MDM4: variants seen among roughly 807,000 people sequenced by gnomAD.
MDM4 encodes protein Mdm4.
A neutral mutation model predicts 60.2 loss-of-function variants in MDM4; 2 were observed. The observed-to-expected ratio is 0.03, with a 90% confidence interval of 0.01 to 0.10. The LOEUF (loss-of-function observed/expected upper bound fraction) is 0.10, where lower values mean the gene tolerates loss of function less well. MDM4 is among the 10% of genes least tolerant of loss of function. MDM4 has a pLI of 1.00. For synonymous variants in MDM4, 202 were observed against 198.1 expected, an observed-to-expected ratio of 1.02 and a Z score of -0.17; for missense variants, 447 against 577.5, an observed-to-expected ratio of 0.77 and a Z score of 2.32.
intron 5 of MDM4, among the ~76,000 whole-genome samples, 178 bp from the exon 6 acceptor site, chr1:204,537,252 T>C (rs576183600): frequency 4.6e-4 from 70 of 152,328 alleles, no homozygotes; most frequent in Middle Eastern, 3.4e-3. Context: ...TCTTGGTCTT[T>C]GTCATTTTTA....
rs1660602088 is a variant in MDM4 at position 204,529,313 on chromosome 1, C to G, written c.154-1371C>G. On this transcript the variant is annotated intron_variant, in intron 3 of 10. Transcript: ENST00000367182. ...TTCATGGAGATAAAGCCACTGTGAT[C>G]AGAGTCACCGACTGGAACCAGGAGT... The G allele has an allele frequency of 6.5e-6, 5 of 769,978 alleles. No individual in the cohort carries two copies. The South Asian group carries it at 7.2e-5, about 11-fold the overall frequency. 47.7% of individuals were successfully genotyped at this position (769,978 alleles called of 1,614,324 possible).
intron 3 of MDM4, 111 bp from the exon 4 acceptor site, chr1:204,530,573 T>G: frequency 7.1e-7 from 1 of 1,416,664 alleles, no homozygotes. Flanking sequence ...GACAGTCTTG[T>G]AAATATGTTA....
In MDM4 at chr1:204,554,098, A is replaced by G. The variant is rs1048145505; in HGVS notation, c.*4416A>G. Reference sequence around the variant, plus strand: ...TTTTTAAGGGTCAAGGTCATTTGTAACATTTTGTGTGTGTCAATTCAATGC... The same window carrying G: ...TTTTTAAGGGTCAAGGTCATTTGTAGCATTTTGTGTGTGTCAATTCAATGC... On this transcript the variant is annotated 3_prime_UTR_variant, in exon 11 of 11. Transcript: ENST00000367182. The G allele has an allele frequency of 8.7e-6, 2 of 229,358 alleles. No homozygotes were observed. Among genetic ancestry groups the G allele is most frequent in the Admixed American group, 1.1e-4 (2 of 17,666 alleles). The allele number at this position is 229,358 out of a possible 1,614,324, so 14.2% of individuals were successfully genotyped here.
Position 204,557,175 on chromosome 1 carries a change from C to G in MDM4, c.*7493C>G, listed in dbSNP as rs941112469. Reference sequence around the variant, plus strand: ...GCTCTGGGGTATATATTCAGAATACCTCATGTTCTGGAAGCTGAGCACTAG... The same window carrying G: ...GCTCTGGGGTATATATTCAGAATACGTCATGTTCTGGAAGCTGAGCACTAG... On this transcript the variant is annotated 3_prime_UTR_variant, in exon 11 of 11. Coordinates refer to ENST00000367182, the MANE Select transcript of MDM4 (RefSeq NM_002393.5). 2 of 195,194 alleles carry G rather than the reference C, an allele frequency of 1.0e-5. No homozygotes were observed. The highest frequency in any genetic ancestry group is 1.1e-5 in the Non-Finnish European group (1 of 93,948). 12.1% of individuals were successfully genotyped at this position (195,194 alleles called of 1,614,324 possible).
chr1:204,528,291 T>G (rs1660450496), intron 3 of MDM4, among the ~76,000 whole-genome samples: 1 of 152,172 alleles, frequency 6.6e-6, no homozygotes, highest in African/African-American at 2.4e-5. Flanking sequence ...GGGAACAGAT[T>G]TGTCTGAGCA....
At chr1:204,518,507 T>G (rs1659222612) in intron 1 of MDM4, among the ~76,000 whole-genome samples, 1 of 152,222 alleles carries the variant, frequency 6.6e-6, no homozygotes, top group Admixed American at 6.5e-5. Flanking sequence ...TAGGTCTAGA[T>G]TTGGATTATT....
intron 4 of MDM4, among the ~76,000 whole-genome samples, chr1:204,531,970 C>T (rs1182492108): frequency 6.6e-6 from 1 of 152,134 alleles, no homozygotes; most frequent in Non-Finnish European, 1.5e-5. Context: ...GTAAATTAAT[C>T]AGTTTTTTAA....
intron 1 of MDM4, among the ~76,000 whole-genome samples, chr1:204,521,860 T>C (rs1444749368): frequency 6.6e-6 from 1 of 152,154 alleles, no homozygotes; most frequent in Non-Finnish European, 1.5e-5. Context: ...ACATAATAAA[T>C]AATTAAAATA....
At chr1:204,520,048 C>A (rs947559455) in intron 1 of MDM4, among the ~76,000 whole-genome samples, 1 of 152,072 alleles carries the variant, frequency 6.6e-6, no homozygotes, top group South Asian at 2.1e-4. Flanking sequence ...GAGGCCGAGG[C>A]GGGCGGATCA....
chr1:204,526,750 A>G (rs1572462537), intron 3 of MDM4, among the ~76,000 whole-genome samples: 1 of 152,152 alleles, frequency 6.6e-6, no homozygotes, highest in Non-Finnish European at 1.5e-5. Flanking sequence ...GGCATGAGCC[A>G]CCGCGCCTGG....
At chr1:204,520,684 T>C (rs150543905) in intron 1 of MDM4, among the ~76,000 whole-genome samples, 1 of 152,202 alleles carries the variant, frequency 6.6e-6, no homozygotes, top group East Asian at 1.9e-4. Flanking sequence ...GAGACTAGCC[T>C]GGGCAACATA....
chr1:204,538,120 A>T, intron 6 of MDM4, 89 bp from the exon 7 acceptor site: 1 of 789,208 alleles, frequency 1.3e-6, no homozygotes. Context: ...ATTGTGTTGC[A>T]CACTAACTGG....
intron 3 of MDM4, among the ~76,000 whole-genome samples, chr1:204,527,617 T>C (rs907597394): frequency 1.4e-5 from 2 of 146,516 alleles, no homozygotes; most frequent in Non-Finnish European, 3.0e-5. Flanking sequence ...AACTCCATCC[T>C]GGGCAACAAG....
At chr1:204,546,232 T>G (rs1242558962) in intron 9 of MDM4, among the ~76,000 whole-genome samples, 2 of 152,214 alleles carry the variant, frequency 1.3e-5, no homozygotes, top group African/African-American at 2.4e-5. Context: ...AGACAAGCTC[T>G]TATTCTGTCA....
chr1:204,529,304 C>A, intron 3 of MDM4: 1 of 761,402 alleles, frequency 1.3e-6, no homozygotes, highest in East Asian at 2.5e-5. Context: ...GAGATAAAGC[C>A]ACTGTGATCA....
intron 1 of MDM4, among the ~76,000 whole-genome samples, chr1:204,523,153 G>A (rs936827906): frequency 5.9e-5 from 9 of 151,288 alleles, no homozygotes; most frequent in Non-Finnish European, 1.3e-4. Context: ...ATGGGCCAGC[G>A]TGCCCGGCTG....
At chr1:204,529,611 G>T (rs1185749910) in intron 3 of MDM4, 5 of 1,189,266 alleles carry the variant, frequency 4.2e-6, no homozygotes, top group African/African-American at 3.1e-5. Context: ...ACTGGGGGGG[G>T]TCCAAGGTAG....
intron 1 of MDM4, among the ~76,000 whole-genome samples, chr1:204,518,932 G>C (rs1490816852): frequency 6.6e-6 from 1 of 152,198 alleles, no homozygotes; most frequent in Non-Finnish European, 1.5e-5. Flanking sequence ...AAAGTGCTGG[G>C]ATTACAGGTG....
chr1:204,518,200 G>T (rs1336817236), intron 1 of MDM4, among the ~76,000 whole-genome samples: 1 of 152,204 alleles, frequency 6.6e-6, no homozygotes, highest in Non-Finnish European at 1.5e-5. Context: ...CTGCAGTGCA[G>T]TGGCTATTCA....
Sources: gnomAD v4.1 joint callset for allele counts (sites outside exome capture counted in the v4.1 genomes callset) on GRCh38, gnomAD v4.1.1 for gene constraint, MANE v1.5 for transcripts, NCBI Gene and HGNC (gene_info 2026-07-23, HGNC 2026-07-21) for gene names.